ZNF107: variants seen among roughly 807,000 people sequenced by gnomAD.
The protein encoded by ZNF107 is zinc finger protein 107, also known as C2H2 type zinc-finger protein.
ZNF107 carries 19 observed loss-of-function variants against 12.3 expected under a neutral mutation model. The observed-to-expected ratio is 1.55, with a 90% CI of 1.08 to 2.27. ZNF107 has a LOEUF of 2.27. ZNF107 is among the 30% of genes most tolerant of loss of function. ZNF107 has a pLI of 0.00. For synonymous variants in ZNF107, 317 were observed against 330.5 expected (o/e 0.96, Z 0.44); for missense variants, 958 against 979.9 (o/e 0.98, Z 0.30).
In ZNF107 at chr7:64,708,653, T is replaced by A. The variant is rs1790785478; in HGVS notation, c.2556T>A (p.Thr852=). The A allele has an allele frequency of 1.3e-6, 2 of 1,592,164 alleles. No homozygotes were observed. Among genetic ancestry groups the A allele is most frequent in the Non-Finnish European group, 8.6e-7 (1 of 1,168,730 alleles). Residue 852 remains threonine, a synonymous_variant, in exon 4 of 4, where the codon ACT becomes ACA. Coordinates refer to ENST00000620827, the MANE Select transcript of ZNF107 (RefSeq NM_001282359.2). ...EKPYKCEYGK[T] ...CCTACAAATGTGAGTATGGCAAAAC[T>A]TAATTGATCCTACAAGCTTACTACA...
Position 64,691,278 on chromosome 7 carries a change from G to A in ZNF107, c.34G>A (p.Glu12Lys), listed in dbSNP as rs923574390. 1 of 1,547,090 alleles carries A rather than the reference G, an allele frequency of 6.5e-7. No individual in the cohort carries two copies. The highest frequency in any genetic ancestry group is 8.7e-7 in the Non-Finnish European group (1 of 1,148,382). The change falls in exon 2 of 4, where the codon GAA becomes AAA. Residue 12 changes from glutamate to lysine, a missense_variant. By Grantham distance (56) the Glu-to-Lys change is moderately conservative. Coordinates refer to ENST00000620827, the MANE Select transcript of ZNF107 (RefSeq NM_001282359.2). The stretch of plus-strand genomic sequence containing the variant: ...ACTGACATTTAAAGATGTCGCCATA[G>A]AATTCTCTCTGGAGGAGTGGCAATG... ...EPLTFKDVAI[E>K]FSLEEWQCLD...
chr7:64,703,843 A>G (rs907581541), intron 3 of ZNF107, among the ~76,000 whole-genome samples: 1 of 151,996 alleles, frequency 6.6e-6, no homozygotes, highest in African/African-American at 2.4e-5. Context: ...TGATTCTTGT[A>G]TCTTTGTCCC....
intron 1 of ZNF107, chr7:64,687,441 A>T: frequency 3.0e-6 from 3 of 985,442 alleles, no homozygotes; most frequent in Non-Finnish European, 3.6e-6. Flanking sequence ...CTGCTGTGGC[A>T]GTTGGGGTTA....
In ZNF107 at chr7:64,709,020, A is replaced by G; in HGVS notation, c.*364A>G. The G allele has an allele frequency of 2.2e-6, 1 of 444,634 alleles. No individual in the cohort carries two copies. Among genetic ancestry groups the G allele is most frequent in the Non-Finnish European group, 4.4e-6 (1 of 228,668 alleles). 27.5% of individuals were successfully genotyped at this position (444,634 alleles called of 1,614,324 possible). ...GTCCTCACACCTTTCTACACATAAG[A>G]TAATTTATACTGGAGAGGAACTCTA... is the stretch of plus-strand genomic sequence containing the variant. On this transcript the variant is annotated 3_prime_UTR_variant, in exon 4 of 4. Coordinates refer to ENST00000620827, the MANE Select transcript of ZNF107 (RefSeq NM_001282359.2).
At chr7:64,676,342 A>G (rs1584465244) in intron 1 of ZNF107, among the ~76,000 whole-genome samples, 1 of 152,184 alleles carries the variant, frequency 6.6e-6, no homozygotes, top group Non-Finnish European at 1.5e-5. Context: ...AGAAAAATGT[A>G]TATTATGTAG....
chr7:64,669,059 A>G (rs1789122326), intron 1 of ZNF107: 1 of 114,452 alleles, frequency 8.7e-6, no homozygotes, highest in Non-Finnish European at 1.6e-5. Context: ...TCTGTTGCTC[A>G]GGCTGAAGGG....
At chr7:64,679,921 TCTC>T (rs1325073114) in intron 1 of ZNF107, among the ~76,000 whole-genome samples, 29 of 151,996 alleles carry the variant, frequency 1.9e-4, no homozygotes, top group Admixed American at 1.9e-3. Flanking sequence ...TGTCTCAAAT[TCTC>T]CTTCTGTCCC....
At chr7:64,693,095 T>C (rs1372673717) in intron 3 of ZNF107, among the ~76,000 whole-genome samples, 4 of 151,054 alleles carry the variant, frequency 2.6e-5, no homozygotes, top group Admixed American at 2.6e-4. Context: ...GCCTCCCGGG[T>C]TCACACCATT....
intron 3 of ZNF107, among the ~76,000 whole-genome samples, chr7:64,705,258 G>C (rs1378956796): frequency 6.6e-6 from 1 of 151,614 alleles, no homozygotes; most frequent in Non-Finnish European, 1.5e-5. Context: ...CTAGTTTGTT[G>C]TCTTTATTTT....
chr7:64,708,217 G>A lies in ZNF107; in HGVS notation c.2120G>A (p.Cys707Tyr). 3 of 1,613,428 alleles carry A rather than the reference G, an allele frequency of 1.9e-6. No homozygotes were observed. The highest frequency in any genetic ancestry group is 2.5e-6 in the Non-Finnish European group (3 of 1,179,716). Reference sequence around the variant, plus strand: ...CATACGGGAGAGAAACCTTACCAATGTGCAGAATGTGGCAAAGCCTTTAAC... The same window carrying A: ...CATACGGGAGAGAAACCTTACCAATATGCAGAATGTGGCAAAGCCTTTAAC... The part of the protein sequence containing the change: ...RIHTGEKPYQ[C>Y]AECGKAFNCS... The change falls in exon 4 of 4, where the codon TGT becomes TAT. Residue 707 changes from cysteine (C) to tyrosine (Y), a missense_variant. Transcript: ENST00000620827.
Position 64,708,529 on chromosome 7 carries a change from A to G in ZNF107, c.2432A>G (p.His811Arg). Reference protein sequence around the residue: ...FSSLNIHKIIHTGEKPYKCGD... With the variant: ...FSSLNIHKIIRTGEKPYKCGD... ...TCTCTTAATATACATAAGATAATTC[A>G]TACTGGAGAGAAACCCTACAAATGT... Residue 811 changes from histidine (H) to arginine (R), a missense_variant, in exon 4 of 4, where the codon CAT (histidine) becomes CGT (arginine). His to Arg is a conservative substitution (Grantham distance 29). Coordinates refer to ENST00000620827, the MANE Select transcript of ZNF107 (RefSeq NM_001282359.2). 6.2e-7 allele frequency: 1 copy of G among 1,613,216 alleles called. No homozygotes were observed.
chr7:64,707,536 C>T lies in ZNF107; in HGVS notation c.1439C>T (p.Pro480Leu). 1 of 1,613,186 alleles carries T rather than the reference C, an allele frequency of 6.2e-7. No individual in the cohort carries two copies. The highest frequency in any genetic ancestry group is 8.5e-7 in the Non-Finnish European group (1 of 1,179,604). The change falls in exon 4 of 4, where the codon CCA becomes CTA. Residue 480 changes from proline to leucine, a missense_variant. Physicochemically the swap from Pro to Leu is moderately conservative, Grantham distance 98. Transcript: ENST00000620827. ...NHRKIYSGEK[P>L]YKCEECGKAF... ...AGGAAAATTTATTCTGGAGAGAAAC[C>T]ATACAAATGTGAAGAATGTGGAAAA...
At chr7:64,672,313 G>A (rs906797088) in intron 1 of ZNF107, among the ~76,000 whole-genome samples, 14 of 151,914 alleles carry the variant, frequency 9.2e-5, no homozygotes, top group African/African-American at 3.4e-4. Context: ...TGATGTTTAT[G>A]TATCATATTT....
chr7:64,670,639 C>T (rs1317676310), intron 1 of ZNF107, among the ~76,000 whole-genome samples: 1 of 152,168 alleles, frequency 6.6e-6, no homozygotes, highest in Non-Finnish European at 1.5e-5. Flanking sequence ...AAGGGTGTTT[C>T]TTTTCATAAA....
At chr7:64,694,254 C>G (rs1790213670) in intron 3 of ZNF107, among the ~76,000 whole-genome samples, 1 of 152,046 alleles carries the variant, frequency 6.6e-6, no homozygotes, top group South Asian at 2.1e-4. Flanking sequence ...AAGACAGGAC[C>G]TCTCGCAGAC....
At chr7:64,688,536 G>T (rs978509635) in intron 1 of ZNF107, among the ~76,000 whole-genome samples, 3 of 151,954 alleles carry the variant, frequency 2.0e-5, no homozygotes, top group African/African-American at 7.3e-5. Context: ...GGTGTTACAG[G>T]TATGAGCCAC....
chr7:64,681,561 C>G (rs1423324101), intron 1 of ZNF107, among the ~76,000 whole-genome samples: 1 of 152,044 alleles, frequency 6.6e-6, no homozygotes, highest in African/African-American at 2.4e-5. Context: ...TTCCTCAACC[C>G]CAGGGTCTGG....
At position 64,708,804 on chromosome 7, in the gene ZNF107, G is replaced by A. The variant is rs1238086373; in HGVS notation, c.*148G>A. On this transcript the variant is annotated 3_prime_UTR_variant, in exon 4 of 4. Coordinates refer to ENST00000620827, the MANE Select transcript of ZNF107 (RefSeq NM_001282359.2). Reference sequence around the variant, plus strand: ...CTGGTGAGAAACCTTACAATGTAAAGAATGTGGCACAGCTTTTAACTAATC... The same window carrying A: ...CTGGTGAGAAACCTTACAATGTAAAAAATGTGGCACAGCTTTTAACTAATC... 1.1e-5 allele frequency: 9 copies of A among 803,892 alleles called. No homozygotes were observed. In the African/African-American group the frequency reaches 1.4e-4, roughly 12 times the overall value. 49.8% of individuals were successfully genotyped at this position (803,892 alleles called of 1,614,324 possible).
intron 1 of ZNF107, chr7:64,687,174 G>GTT (rs2128961541): frequency 2.0e-6 from 2 of 986,042 alleles, no homozygotes; most frequent in African/African-American, 3.5e-5. Flanking sequence ...TTGGGTGTCT[G>GTT]TTTTGGAAGC....
Sources: allele counts gnomAD v4.1 joint callset (sites outside exome capture counted in the v4.1 genomes callset), GRCh38; gene constraint gnomAD v4.1.1; transcripts MANE v1.5; gene names NCBI Gene and HGNC (gene_info 2026-07-23, HGNC 2026-07-21).